Variants in BABAM2 observed in about 807,000 individuals in gnomAD.
BABAM2 encodes BRISC and BRCA1 A complex member 2.
In BABAM2, 31 loss-of-function variants were observed where a neutral mutation model predicts 54.7. That is an observed-to-expected ratio of 0.57 (90% CI 0.43 to 0.77). The LOEUF (loss-of-function observed/expected upper bound fraction) is 0.77. Ranked by LOEUF, BABAM2 falls within the 30% of genes least tolerant of loss-of-function variation. The pLI is 0.00. For synonymous variants in BABAM2, 167 were observed against 162.9 expected (o/e 1.03, Z -0.19); for missense variants, 364 against 455.8 (o/e 0.80, Z 1.83).
At chr2:28,179,771 A>G (rs1265730400) in intron 7 of BABAM2, among the ~76,000 whole-genome samples, 1 of 152,254 alleles carries the variant, frequency 6.6e-6, no homozygotes, top group Non-Finnish European at 1.5e-5. Flanking sequence ...AAGCAAATTC[A>G]GTAACATTGC....
intron 3 of BABAM2, among the ~76,000 whole-genome samples, chr2:27,973,158 A>G (rs1052534905): frequency 1.3e-5 from 2 of 152,146 alleles, no homozygotes; most frequent in Non-Finnish European, 2.9e-5. Context: ...AAACCATAGT[A>G]CCTAAAGAAT....
At chr2:28,099,406 A>T (rs191165625) in intron 6 of BABAM2, among the ~76,000 whole-genome samples, 33 of 152,224 alleles carry the variant, frequency 2.2e-4, no homozygotes, top group Non-Finnish European at 3.7e-4. Context: ...GCTTTGCCAA[A>T]GGGCTCAGAA....
intron 7 of BABAM2, among the ~76,000 whole-genome samples, chr2:28,236,344 C>CTTT (rs1231226547): frequency 1.9e-4 from 28 of 144,344 alleles, no homozygotes; most frequent in Non-Finnish European, 3.5e-4. Context: ...AAAAGAATTT[C>CTTT]TTTTTTTTTT....
chr2:28,313,072 C>T (rs1279407699), intron 11 of BABAM2, among the ~76,000 whole-genome samples: 1 of 152,208 alleles, frequency 6.6e-6, no homozygotes, highest in African/African-American at 2.4e-5. Context: ...GCACCACGTA[C>T]ACATCCACCT....
chr2:27,891,420 A>G (rs1664833114), intron 1 of BABAM2, among the ~76,000 whole-genome samples: 2 of 152,038 alleles, frequency 1.3e-5, no homozygotes, highest in South Asian at 2.1e-4. Flanking sequence ...ACCTTTTGTA[A>G]CTTTATTTTG....
chr2:28,192,715 G>C (rs1677069694), intron 7 of BABAM2, among the ~76,000 whole-genome samples: 1 of 150,936 alleles, frequency 6.6e-6, no homozygotes, highest in Non-Finnish European at 1.5e-5. Context: ...GTAGAGATGG[G>C]GTTTCACCAT....
intron 7 of BABAM2, among the ~76,000 whole-genome samples, chr2:28,170,721 TTTG>T (rs1413742229): frequency 1.3e-5 from 2 of 152,156 alleles, no homozygotes; most frequent in Non-Finnish European, 2.9e-5. Flanking sequence ...TAGAGGGCTT[TTTG>T]TTGTTATTAT....
intron 7 of BABAM2, among the ~76,000 whole-genome samples, chr2:28,196,083 T>C (rs1369499134): frequency 6.6e-6 from 1 of 152,114 alleles, no homozygotes; most frequent in Non-Finnish European, 1.5e-5. Context: ...ATCCCAGCAC[T>C]TTGGGAGGCC....
At chr2:28,070,272 C>T (rs934427010) in intron 6 of BABAM2, among the ~76,000 whole-genome samples, 2 of 152,166 alleles carry the variant, frequency 1.3e-5, no homozygotes, top group African/African-American at 4.8e-5. Flanking sequence ...TCTGTTTCTG[C>T]CTGCTTCAGG....
intron 6 of BABAM2, among the ~76,000 whole-genome samples, chr2:28,098,204 T>C (rs1469113531): frequency 6.6e-6 from 1 of 152,230 alleles, no homozygotes; most frequent in African/African-American, 2.4e-5. Context: ...TCTTCATTTA[T>C]CTGTCTGTCT....
chr2:27,935,272 C>T (rs1420209770), intron 3 of BABAM2, among the ~76,000 whole-genome samples: 5 of 152,190 alleles, frequency 3.3e-5, no homozygotes, highest in African/African-American at 4.8e-5. Context: ...GTTTACAGCA[C>T]GGTTTACTGA....
At chr2:27,961,860 T>C (rs894303897) in intron 3 of BABAM2, among the ~76,000 whole-genome samples, 1 of 151,428 alleles carries the variant, frequency 6.6e-6, no homozygotes, top group Non-Finnish European at 1.5e-5. Context: ...CCTGAGTAGC[T>C]GGGACTACAG....
chr2:28,338,523 G>A lies in BABAM2; in HGVS notation c.*10G>A. 2 of 1,613,896 alleles carry A rather than the reference G, an allele frequency of 1.2e-6. No homozygotes were observed. The highest frequency in any genetic ancestry group is 2.2e-5 in the South Asian group (2 of 91,068). On this transcript the variant is annotated 3_prime_UTR_variant, in exon 12 of 12. Transcript: ENST00000379624. Reference sequence around the variant, plus strand: ...CAATGGAAAGCTCTAGGAAACACCAGTCTTGAGAGGTGGCCAGCCAGACTG... The same window carrying A: ...CAATGGAAAGCTCTAGGAAACACCAATCTTGAGAGGTGGCCAGCCAGACTG...
At chr2:27,936,039 C>T (rs188654190) in intron 3 of BABAM2, among the ~76,000 whole-genome samples, 113 of 152,290 alleles carry the variant, frequency 7.4e-4, no homozygotes, top group African/African-American at 2.6e-3. Context: ...CTGCCTCAGC[C>T]TCCTAAGTAG....
At chr2:27,927,352 A>G (rs528899323) in intron 2 of BABAM2, among the ~76,000 whole-genome samples, 2 of 152,316 alleles carry the variant, frequency 1.3e-5, no homozygotes, top group African/African-American at 2.4e-5. Flanking sequence ...TAAGCTGCAT[A>G]GTTAGATAAT....
At chr2:28,062,369 C>T (rs1206197776) in intron 6 of BABAM2, among the ~76,000 whole-genome samples, 2 of 151,632 alleles carry the variant, frequency 1.3e-5, no homozygotes, top group Non-Finnish European at 2.9e-5. Context: ...TAGAGACCAT[C>T]CTGGGCAACA....
Position 28,075,584 on chromosome 2 carries a change from G to T in BABAM2, c.570+29785G>T, listed in dbSNP as rs554166076. Among the ~76,000 whole-genome samples the T allele has an allele frequency of 2.6e-5, 4 of 152,164 alleles. No individual in the cohort carries two copies. In the East Asian group the frequency reaches 7.7e-4, roughly 29 times the overall value. ...TGTGTGTGTGTGTGTGTGTGCGTGT[G>T]TGTGTGCATGCAGTGTGTCTTTTTA... On this transcript the variant is annotated intron_variant, in intron 6 of 11. Transcript: ENST00000379624.
chr2:28,154,353 T>C (rs1672347423), intron 7 of BABAM2, among the ~76,000 whole-genome samples: 1 of 152,186 alleles, frequency 6.6e-6, no homozygotes, highest in South Asian at 2.1e-4. Context: ...GAGACTTCTT[T>C]TGGATAATGA....
intron 7 of BABAM2, among the ~76,000 whole-genome samples, chr2:28,183,927 G>T (rs1675949598): frequency 6.6e-6 from 1 of 152,060 alleles, no homozygotes; most frequent in African/African-American, 2.4e-5. Flanking sequence ...TAGCATCAGG[G>T]AGTCAGAGTG....
Sources: gnomAD v4.1 joint callset for allele counts (sites outside exome capture counted in the v4.1 genomes callset) on GRCh38, gnomAD v4.1.1 for gene constraint, MANE v1.5 for transcripts, NCBI Gene and HGNC (gene_info 2026-07-23, HGNC 2026-07-21) for gene names.